LRP1B: variants seen among roughly 807,000 people sequenced by gnomAD.
LRP1B encodes the protein LDL receptor related protein 1B.
A neutral mutation model predicts 556.6 loss-of-function variants in LRP1B; 217 were observed. The observed-to-expected ratio is 0.39, with a 90% CI of 0.35 to 0.44. The LOEUF (loss-of-function observed/expected upper bound fraction) is 0.44. Among genes scored for constraint, LRP1B ranks in the 20% least tolerant of loss-of-function variants. The probability of loss-of-function intolerance (pLI) is 1.00; values close to 1 mark genes in which losing one functional copy is unlikely to be tolerated. For missense variants in LRP1B, 5,053 were observed against 5,620.8 expected, an observed-to-expected ratio of 0.90 and a Z score of 3.23; for synonymous variants, 2,047 against 1,865.8, an observed-to-expected ratio of 1.10 and a Z score of -2.50.
intron 84 of LRP1B, among the ~76,000 whole-genome samples, chr2:140,294,528 T>G (rs990001097): frequency 6.6e-6 from 1 of 152,172 alleles, no homozygotes; most frequent in African/African-American, 2.4e-5. Flanking sequence ...TGATTCAAAC[T>G]GAGAATTTGA....
chr2:141,396,406 A>G (rs1690238171), intron 3 of LRP1B, among the ~76,000 whole-genome samples: 1 of 152,236 alleles, frequency 6.6e-6, no homozygotes, highest in South Asian at 2.1e-4. Context: ...AGTTTCTCAC[A>G]TTGTTAATGG....
At chr2:140,234,618 T>C (rs2104873821) in intron 90 of LRP1B, 168 bp downstream of exon 90, 1 of 504,118 alleles carries the variant, frequency 2.0e-6, no homozygotes, top group African/African-American at 1.9e-5. Flanking sequence ...AGATGTAATC[T>C]TGCATAGACA....
chr2:141,133,717 T>TGGGAG (rs1303286579), intron 7 of LRP1B, among the ~76,000 whole-genome samples: 19 of 152,018 alleles, frequency 1.2e-4, no homozygotes, highest in Admixed American at 7.2e-4. Context: ...GCAAGCATTT[T>TGGGAG]TATATGTATG....
Position 140,232,328 on chromosome 2 carries a change from T to C in LRP1B, c.*858A>G, listed in dbSNP as rs146023846. ...GGGGTTGGGTTAATCTTCCACAAAA[T>C]GGATGTGACTGGGAAGAAATACCTA... On this transcript the variant is annotated 3_prime_UTR_variant, in exon 91 of 91. Coordinates refer to ENST00000389484, the MANE Select transcript of LRP1B (RefSeq NM_018557.3). 2 of 151,376 alleles carry C rather than the reference T, an allele frequency of 1.3e-5. No homozygotes were observed. The highest frequency in any genetic ancestry group is 4.8e-5 in the African/African-American group (2 of 41,420). 9.4% of individuals were successfully genotyped at this position (151,376 alleles called of 1,614,324 possible).
At chr2:140,744,926 T>A (rs544017090) in intron 35 of LRP1B, among the ~76,000 whole-genome samples, 3 of 152,312 alleles carry the variant, frequency 2.0e-5, no homozygotes, top group South Asian at 4.1e-4. Context: ...CAGTAGGTGC[T>A]CACTATTGTT....
At chr2:140,519,180 T>C (rs1036114662) in intron 49 of LRP1B, among the ~76,000 whole-genome samples, 4 of 152,086 alleles carry the variant, frequency 2.6e-5, no homozygotes. Context: ...AGAACAAAGC[T>C]GGAAGCATCA....
intron 84 of LRP1B, among the ~76,000 whole-genome samples, chr2:140,281,523 A>C (rs1682912168): frequency 6.6e-6 from 1 of 151,872 alleles, no homozygotes; most frequent in Non-Finnish European, 1.5e-5. Context: ...ATATAGGAGA[A>C]ACTATATGAG....
At chr2:141,989,099 T>C (rs1541974) in intron 1 of LRP1B, among the ~76,000 whole-genome samples, 64,249 of 151,890 alleles carry the variant, frequency 0.42, 14,433 homozygotes, top group African/African-American at 0.57. Flanking sequence ...TCTTTTGTTT[T>C]TGAACGCCCT....
At chr2:142,098,521 T>G (rs980854620) in intron 1 of LRP1B, among the ~76,000 whole-genome samples, 1 of 151,690 alleles carries the variant, frequency 6.6e-6, no homozygotes, top group Non-Finnish European at 1.5e-5. Context: ...TGTTTTACTA[T>G]CCATAAAAAT....
At chr2:141,942,499 C>T (rs1256246387) in intron 1 of LRP1B, among the ~76,000 whole-genome samples, 1 of 150,290 alleles carries the variant, frequency 6.7e-6, no homozygotes, top group South Asian at 2.1e-4. Context: ...AAACAAAAAA[C>T]AAAACAAAAA....
intron 1 of LRP1B, among the ~76,000 whole-genome samples, chr2:141,907,278 A>G (rs1699782634): frequency 6.6e-6 from 1 of 150,884 alleles, no homozygotes; most frequent in African/African-American, 2.4e-5. Context: ...TTCATAGAGA[A>G]CTCAATTCTC....
At chr2:140,894,942 C>CAAA (rs553164109) in intron 23 of LRP1B, among the ~76,000 whole-genome samples, 2 of 112,986 alleles carry the variant, frequency 1.8e-5, no homozygotes, top group Non-Finnish European at 1.9e-5. Flanking sequence ...GACTCTGCCT[C>CAAA]AAAAAAAAAA....
At chr2:141,637,152 G>A (rs113477131) in intron 2 of LRP1B, among the ~76,000 whole-genome samples, 5 of 152,114 alleles carry the variant, frequency 3.3e-5, no homozygotes, top group African/African-American at 9.6e-5. Context: ...ACAGTATTGG[G>A]GCAAGAATGA....
chr2:140,822,474 G>C (rs563595013), intron 31 of LRP1B, among the ~76,000 whole-genome samples: 2 of 152,290 alleles, frequency 1.3e-5, no homozygotes, highest in South Asian at 4.1e-4. Flanking sequence ...ACAAGCAAGC[G>C]AAGTCAGTGA....
chr2:141,343,298 T>C (rs1573833094), intron 3 of LRP1B, among the ~76,000 whole-genome samples: 1 of 152,332 alleles, frequency 6.6e-6, no homozygotes, highest in South Asian at 2.1e-4. Flanking sequence ...GTCTTTCCTG[T>C]AGCTTCTTGA....
At chr2:142,037,971 G>A (rs546010938) in intron 1 of LRP1B, among the ~76,000 whole-genome samples, 1 of 151,568 alleles carries the variant, frequency 6.6e-6, no homozygotes, top group East Asian at 2.0e-4. Flanking sequence ...GCCACCTAAC[G>A]AGGCAGCTAT....
At position 140,315,033 on chromosome 2, in the gene LRP1B, C is replaced by T. The variant is rs773325957; in HGVS notation, c.12707G>A (p.Arg4236Lys). ...RCILNEKGDL[R>K]CHCWPSYSGE... ...TGAATAACTGGGCCAACAGTGACAC[C>T]TCAAATCACCTTTCTCATTTAAAAT... Residue 4236 changes from arginine to lysine, a missense_variant, in exon 83 of 91, where the codon AGG becomes AAG. Physicochemically the swap from Arg to Lys is conservative, Grantham distance 26. Coordinates refer to ENST00000389484, the MANE Select transcript of LRP1B (RefSeq NM_018557.3). 2.4e-5 allele frequency: 39 copies of T among 1,611,420 alleles called. No individual in the cohort carries two copies. Among genetic ancestry groups the T allele is most frequent in the Non-Finnish European group, 3.1e-5 (37 of 1,178,574 alleles).
At chr2:140,614,268 T>C (rs1683182411) in intron 41 of LRP1B, among the ~76,000 whole-genome samples, 1 of 152,096 alleles carries the variant, frequency 6.6e-6, no homozygotes, top group Non-Finnish European at 1.5e-5. Context: ...AAATTTTTAT[T>C]CCTAATTCTA....
intron 2 of LRP1B, among the ~76,000 whole-genome samples, chr2:141,501,096 T>C (rs1683695007): frequency 6.6e-6 from 1 of 152,170 alleles, no homozygotes; most frequent in African/African-American, 2.4e-5. Context: ...ATAATAGGAC[T>C]TCTTGCAAAG....
Sources: gnomAD v4.1 joint callset for allele counts (sites outside exome capture counted in the v4.1 genomes callset) on GRCh38, gnomAD v4.1.1 for gene constraint, MANE v1.5 for transcripts, NCBI Gene and HGNC (gene_info 2026-07-23, HGNC 2026-07-21) for gene names.